The following GPHN variants were observed in gnomAD, a reference collection of about 807,000 sequenced individuals.
GPHN encodes gephyrin.
A neutral mutation model predicts 95.5 loss-of-function variants in GPHN; 17 were observed. That is an observed-to-expected ratio of 0.18 (90% CI 0.12 to 0.27). The LOEUF is 0.27. Ranked by LOEUF, GPHN falls within the 10% of genes least tolerant of loss-of-function variation. The pLI, the probability that GPHN is intolerant of heterozygous loss-of-function variation, is 1.00. For missense variants in GPHN, 660 were observed against 978.1 expected, an observed-to-expected ratio of 0.67 and a Z score of 4.34; for synonymous variants, 320 against 322.5, an observed-to-expected ratio of 0.99 and a Z score of 0.08.
chr14:67,589,664 G>GT, the GPHN span: 11 of 990,156 alleles, frequency 1.1e-5, no homozygotes, highest in Admixed American at 5.8e-5. Context: ...TGAAGGGCTT[G>GT]TTTTTTTCGT....
At chr14:67,292,410 AAACTT>A in the GPHN span, 1 of 791,634 alleles carries the variant, frequency 1.3e-6, no homozygotes, top group Non-Finnish European at 2.0e-6. Flanking sequence ...ATTTTTCTGA[AAACTT>A]AAATTGTTAC....
chr14:66,836,974 G>A (rs1008458200), intron 4 of GPHN, among the ~76,000 whole-genome samples: 3 of 146,440 alleles, frequency 2.0e-5, no homozygotes, highest in East Asian at 2.1e-4. Flanking sequence ...GGAGAAATAG[G>A]AACACTTTTA....
the GPHN span, chr14:67,581,870 G>C: frequency 1.8e-6 from 1 of 563,852 alleles, no homozygotes; most frequent in African/African-American, 1.9e-5. Flanking sequence ...CCCTCCTGTT[G>C]GTATGAGATC....
chr14:66,901,181 A>G (rs2065112343), intron 5 of GPHN, among the ~76,000 whole-genome samples: 2 of 152,006 alleles, frequency 1.3e-5, no homozygotes, highest in African/African-American at 2.4e-5. Context: ...GGAAATGTCT[A>G]TTCATATAGT....
At chr14:66,637,997 A>C (rs1287946315) in intron 1 of GPHN, among the ~76,000 whole-genome samples, 2 of 151,950 alleles carry the variant, frequency 1.3e-5, no homozygotes, top group East Asian at 3.9e-4. Context: ...AAAAGTGTTT[A>C]TTTCTGTACA....
chr14:66,936,755 C>T (rs565849300), intron 8 of GPHN, among the ~76,000 whole-genome samples: 7 of 152,260 alleles, frequency 4.6e-5, no homozygotes, highest in South Asian at 2.1e-4. Context: ...AGGACACAGA[C>T]ATATGTCAAC....
chr14:66,738,604 A>T (rs1230817015), intron 2 of GPHN, among the ~76,000 whole-genome samples: 3 of 152,120 alleles, frequency 2.0e-5, no homozygotes, highest in Non-Finnish European at 2.9e-5. Context: ...ACTGTCATTT[A>T]AAAAAATAGT....
chr14:66,786,198 CAAG>C (rs1252139429), intron 3 of GPHN, among the ~76,000 whole-genome samples: 1 of 152,016 alleles, frequency 6.6e-6, no homozygotes, highest in African/African-American at 2.4e-5. Flanking sequence ...ATGAATAAAA[CAAG>C]GAGTATTACT....
chr14:67,292,518 A>G, the GPHN span: 5 of 1,606,210 alleles, frequency 3.1e-6, no homozygotes, highest in Non-Finnish European at 4.3e-6. Context: ...TAGAAATAGA[A>G]GACTTGTTTT....
At chr14:66,591,049 T>G (rs11158637) in intron 1 of GPHN, among the ~76,000 whole-genome samples, 18 of 152,186 alleles carry the variant, frequency 1.2e-4, no homozygotes, top group African/African-American at 3.1e-4. Context: ...GAAGCAACGA[T>G]GAAAACCACA....
At chr14:67,481,632 CA>C in the GPHN span, among the ~76,000 whole-genome samples, 1 of 152,182 alleles carries the variant, frequency 6.6e-6, no homozygotes, top group Non-Finnish European at 1.5e-5. Flanking sequence ...TTCAGAACCC[CA>C]CTCTCCAAAC....
At chr14:67,625,690 A>G in the GPHN span, among the ~76,000 whole-genome samples, 1 of 150,188 alleles carries the variant, frequency 6.7e-6, no homozygotes, top group African/African-American at 2.4e-5. Flanking sequence ...CAAAAAAAAA[A>G]AAAAAAAAAA....
At chr14:67,452,625 A>C in the GPHN span, among the ~76,000 whole-genome samples, 1 of 152,182 alleles carries the variant, frequency 6.6e-6, no homozygotes, top group Non-Finnish European at 1.5e-5. Flanking sequence ...GAAGCAGGGC[A>C]GTGTGGGGTA....
At chr14:67,579,375 G>C in the GPHN span, 4 of 1,311,130 alleles carry the variant, frequency 3.1e-6, no homozygotes, top group Non-Finnish European at 4.1e-6. Context: ...GAATACCCCT[G>C]GGCCTTAGGC....
rs985773467 is a variant in GPHN at position 67,079,032 on chromosome 14, G to A, written c.1145-9951G>A. Among the ~76,000 whole-genome samples, 2 of 151,898 alleles carry A rather than the reference G, an allele frequency of 1.3e-5. 1 individual carries two copies. The highest frequency in any genetic ancestry group is 4.1e-4 in the South Asian group (2 of 4,820). On this transcript the variant is annotated intron_variant, in intron 11 of 22. Coordinates refer to ENST00000478722, the MANE Select transcript of GPHN (RefSeq NM_020806.5). ...AAATATAGCAACCACTATATATAGC[G>A]TGAGTTCAAAATAAAAAGCTGGTTG...
chr14:67,540,743 G>A, the GPHN span, among the ~76,000 whole-genome samples: 8 of 152,118 alleles, frequency 5.3e-5, no homozygotes, highest in Non-Finnish European at 1.2e-4. Flanking sequence ...TTTTTGGGAA[G>A]CATCATTCAT....
intron 1 of GPHN, among the ~76,000 whole-genome samples, chr14:66,638,082 T>C (rs2064198421): frequency 1.3e-5 from 2 of 152,200 alleles, no homozygotes; most frequent in Admixed American, 6.5e-5. Flanking sequence ...TATATTTTTG[T>C]ATCATAGTGT....
chr14:67,658,427 T>C, the GPHN span, among the ~76,000 whole-genome samples: 1 of 151,960 alleles, frequency 6.6e-6, no homozygotes. Flanking sequence ...ACCCCGTCTC[T>C]ACTAAAAGTA....
intron 2 of GPHN, among the ~76,000 whole-genome samples, chr14:66,732,120 AG>A (rs1182988553): frequency 6.6e-6 from 1 of 152,204 alleles, no homozygotes; most frequent in African/African-American, 2.4e-5. Flanking sequence ...AACTTGTACA[AG>A]GGCAGTGCAG....
Sources: gnomAD v4.1 joint callset for allele counts (sites outside exome capture counted in the v4.1 genomes callset) on GRCh38, gnomAD v4.1.1 for gene constraint, MANE v1.5 for transcripts, NCBI Gene and HGNC (gene_info 2026-07-23, HGNC 2026-07-21) for gene names.